Variants in NBPF14 observed in about 807,000 individuals in gnomAD.
NBPF14 encodes NBPF member 14, also known as NBPF family member NBPF14.
In NBPF14, 104 loss-of-function variants were observed where a neutral mutation model predicts 91.2. The observed-to-expected ratio is 1.14, with a 90% CI of 0.97 to 1.34. The LOEUF is 1.34. Among genes scored for constraint, NBPF14 ranks in the 40% most tolerant of loss-of-function variants. The pLI is 0.00. For synonymous variants in NBPF14, 294 were observed against 303.8 expected, an observed-to-expected ratio of 0.97 and a Z score of 0.34; for missense variants, 908 against 783.0, an observed-to-expected ratio of 1.16 and a Z score of -1.91.
chr1:148,572,329 T>C (rs1659222933), intron 21 of NBPF14, 114 bp downstream of exon 21: 3 of 264,408 alleles, frequency 1.1e-5, no homozygotes, highest in Non-Finnish European at 1.3e-5. Context: ...CGCCCATAGG[T>C]CCTGCCTGCG....
Position 148,557,719 on chromosome 1 carries a change from C to G in NBPF14, c.4955-177G>C, listed in dbSNP as rs1656924532. On this transcript the variant is annotated intron_variant, in intron 39 of 70. Coordinates refer to ENST00000619423, the Ensembl canonical transcript of NBPF14. ...TCATGATATTCCTTGCTTTGCATCT[C>G]AGAACCAAGGGTGAAATATCCCCAT... is the stretch of plus-strand genomic sequence containing the variant. Among the ~76,000 whole-genome samples, 2 of 130,064 alleles carry G rather than the reference C, an allele frequency of 1.5e-5. 1 individual carries two copies. Among genetic ancestry groups the G allele is most frequent in the East Asian group, 4.8e-4 (2 of 4,190 alleles). 85.3% of individuals were successfully genotyped at this position (130,064 alleles called of 152,430 possible).
chr1:148,566,535 AC>A lies in NBPF14; in HGVS notation c.3543-221del, dbSNP rs1658392275. Among the ~76,000 whole-genome samples the A allele has an allele frequency of 4.5e-4, 55 of 122,020 alleles. 1 individual carries two copies. Among genetic ancestry groups the A allele is most frequent in the Non-Finnish European group, 9.5e-4 (49 of 51,656 alleles). 80.0% of individuals were successfully genotyped at this position (122,020 alleles called of 152,430 possible). A position where few individuals can be genotyped will look rare whatever the true frequency, so the allele number is the denominator to read the frequency against. ...CACACACACACACACACACACACAC[AC>A]ACACAAACACACACACACACACAGA... On this transcript the variant is annotated intron_variant, in intron 28 of 70. Coordinates refer to ENST00000619423, the Ensembl canonical transcript of NBPF14.
exon 69 of NBPF14, chr1:148,534,833 T>G (rs1654731042): frequency 1.8e-6 from 2 of 1,097,288 alleles, no homozygotes; most frequent in Non-Finnish European, 2.8e-6. Flanking sequence ...AGGATCTTTC[T>G]CATCCAGCAG....
At chr1:148,590,040 CTTTTTTTTTT>C (rs1196401979) in intron 6 of NBPF14, among the ~76,000 whole-genome samples, 2 of 76,348 alleles carry the variant, frequency 2.6e-5, no homozygotes, top group East Asian at 7.2e-4. Flanking sequence ...CAGAGACTTA[CTTTTTTTTTT>C]TTTTTTTTTT....
At chr1:148,585,449 C>T (rs1338966484) in intron 9 of NBPF14, among the ~76,000 whole-genome samples, 1 of 151,622 alleles carries the variant, frequency 6.6e-6, no homozygotes, top group Non-Finnish European at 1.5e-5. Context: ...AGACCTTTTG[C>T]TTCCCATATC....
At chr1:148,573,094 G>A in intron 20 of NBPF14, 136 bp downstream of exon 20, 1 of 63,746 alleles carries the variant, frequency 1.6e-5, no homozygotes, top group Admixed American at 2.7e-4. Context: ...CTACTGCAAT[G>A]AAAACCAACA....
In NBPF14 at chr1:148,572,596, C is replaced by G. The variant is rs1659258250; in HGVS notation, c.2605G>C (p.Asp869His). Residue 869 changes from aspartate to histidine, a missense_variant, in exon 21 of 71, where the codon GAT (aspartate) becomes CAT (histidine). Coordinates refer to ENST00000619423, the Ensembl canonical transcript of NBPF14. ...TGCAAGACTTCAGGCTCTTTCTCAT[C>G]CAGCAGCTCCCTGCTGAGCCTGGAA... 2.3e-5 allele frequency: 14 copies of G among 604,160 alleles called. 4 individuals carry two copies. In the Admixed American group the frequency reaches 3.2e-4, roughly 14 times the overall value. The allele number at this position is 604,160 out of a possible 1,614,324, so 37.4% of individuals were successfully genotyped here.
rs1275879619 is a variant in NBPF14, at chr1:148,534,664, C to A, written c.8614+20G>T. On this transcript the variant is annotated intron_variant, in intron 69 of 70. Coordinates refer to ENST00000619423, the Ensembl canonical transcript of NBPF14. ...GGAAGACCAGGTGGAGGCTTATCAC[C>A]TTCATAGTAAGGTACTCACTGTCCA... The A allele has an allele frequency of 2.9e-5, 24 of 818,718 alleles. No homozygotes were observed. Among genetic ancestry groups the A allele is most frequent in the African/African-American group, 5.1e-5 (3 of 58,638 alleles). 50.7% of individuals were successfully genotyped at this position (818,718 alleles called of 1,614,324 possible). A position where few individuals can be genotyped will look rare whatever the true frequency, so the allele number is the denominator to read the frequency against.
chr1:148,532,067 G>T (rs1653851985), exon 71 of NBPF14: 1 of 151,772 alleles, frequency 6.6e-6, no homozygotes, highest in Admixed American at 6.6e-5. Context: ...AAATATTTGG[G>T]GTTCAAAATA....
At chr1:148,560,155 C>A (rs1399859925) in intron 36 of NBPF14, among the ~76,000 whole-genome samples, 190 bp from the exon 37 acceptor site, 1 of 151,026 alleles carries the variant, frequency 6.6e-6, no homozygotes, top group South Asian at 2.1e-4. Flanking sequence ...AAGAGAAAGA[C>A]AGAGAGAGAG....
At position 148,557,612 on chromosome 1, in the gene NBPF14, A is replaced by C. The variant is rs1384800014; in HGVS notation, c.4955-70T>G. 4 of 581,996 alleles carry C rather than the reference A, an allele frequency of 6.9e-6. 2 individuals are homozygous for C. The African/African-American group carries it at 1.1e-4, about 17-fold the overall frequency. 36.1% of individuals were successfully genotyped at this position (581,996 alleles called of 1,614,324 possible). On this transcript the variant is annotated intron_variant, in intron 39 of 70. Transcript: ENST00000619423. ...CTACACCCATAACAGTCCACTGTCT[A>C]ATCCCCACACAGGGATCTCAGGCTC... is the stretch of plus-strand genomic sequence containing the variant.
Position 148,560,498 on chromosome 1 carries a change from T to C in NBPF14, c.4556+86A>G, listed in dbSNP as rs1424705879. The C allele has an allele frequency of 2.2e-3, 573 of 258,172 alleles. No individual in the cohort carries two copies. In the African/African-American group the frequency reaches 0.033, roughly 15 times the overall value. The allele number at this position is 258,172 out of a possible 1,614,324, so 16.0% of individuals were successfully genotyped here. ...AGTAATTCAGCCTTCGCTGAAAACATGTCATCAAACACACTCTGGTTTCCC... is the reference window on the plus strand; with the variant it reads ...AGTAATTCAGCCTTCGCTGAAAACACGTCATCAAACACACTCTGGTTTCCC... On this transcript the variant is annotated intron_variant, in intron 36 of 70. Coordinates refer to ENST00000619423, the Ensembl canonical transcript of NBPF14.
At chr1:148,580,873 A>T (rs1283726374) in intron 12 of NBPF14, among the ~76,000 whole-genome samples, 3 of 104,878 alleles carry the variant, frequency 2.9e-5, no homozygotes, top group Admixed American at 9.9e-5. Context: ...TTTTTTTTTT[A>T]ATACTTTAAG....
At position 148,533,262 on chromosome 1, in the gene NBPF14, C is replaced by G. The variant is rs782360478; in HGVS notation, c.8724-14G>C. The G allele has an allele frequency of 1.5e-6, 1 of 653,046 alleles. No homozygotes were observed. The highest frequency in any genetic ancestry group is 2.3e-6 in the Non-Finnish European group (1 of 430,658). The allele number at this position is 653,046 out of a possible 1,614,324, so 40.5% of individuals were successfully genotyped here. ...ACGCCGTTGAGCCTGGAAAAGGAGA[C>G]AAAACTAAAGAAGCAGCCAGGGAAA... On this transcript the variant is annotated splice_polypyrimidine_tract_variant and intron_variant, in intron 70 of 70. Transcript: ENST00000619423.
chr1:148,589,856 C>T (rs1240480978), intron 6 of NBPF14, among the ~76,000 whole-genome samples: 1 of 147,890 alleles, frequency 6.8e-6, no homozygotes, highest in African/African-American at 2.5e-5. Context: ...CCTCAGCCTG[C>T]CAAGCATCTG....
At position 148,584,991 on chromosome 1, in the gene NBPF14, G is replaced by A. The variant is rs1163344609; in HGVS notation, c.1379+150C>T. 51 of 868,906 alleles carry A rather than the reference G, an allele frequency of 5.9e-5. 2 individuals are homozygous for A. The highest frequency in any genetic ancestry group is 9.0e-5 in the Admixed American group (5 of 55,500). The allele number at this position is 868,906 out of a possible 1,614,324, so 53.8% of individuals were successfully genotyped here. ...CACACAGAGAAACATGACAGCTACC[G>A]CACCCTGTGTCTAAGCTGGATTATA... On this transcript the variant is annotated intron_variant, in intron 10 of 70. Coordinates refer to ENST00000619423, the Ensembl canonical transcript of NBPF14.
chr1:148,589,819 G>A (rs1329191949), intron 6 of NBPF14, among the ~76,000 whole-genome samples: 1 of 148,166 alleles, frequency 6.7e-6, no homozygotes, highest in African/African-American at 2.4e-5. Flanking sequence ...TGCCACCTCT[G>A]CCGTCCGGGT....
intron 22 of NBPF14, among the ~76,000 whole-genome samples, chr1:148,571,276 G>C (rs1434763395): frequency 5.2e-4 from 46 of 87,718 alleles, no homozygotes; most frequent in East Asian, 1.8e-3. Context: ...CACACACACA[G>C]AGAGAGAGAG....
chr1:148,534,528 G>C (rs587737080), intron 69 of NBPF14, among the ~76,000 whole-genome samples, 156 bp downstream of exon 69: 3 of 151,294 alleles, frequency 2.0e-5, no homozygotes, highest in Admixed American at 6.6e-5. Flanking sequence ...TAGGCTTCCA[G>C]CTGAGACTAC....
Sources: allele counts gnomAD v4.1 joint callset (sites outside exome capture counted in the v4.1 genomes callset), GRCh38; gene constraint gnomAD v4.1.1; transcripts MANE v1.5; gene names NCBI Gene and HGNC (gene_info 2026-07-23, HGNC 2026-07-21).